The following KCNJ6 variants were observed in gnomAD, a reference collection of about 807,000 sequenced individuals.
KCNJ6 encodes G protein-activated inward rectifier potassium channel 2.
Under a neutral mutation model 34.2 loss-of-function variants are expected in KCNJ6, and 9 were observed. The observed-to-expected ratio is 0.26, with a 90% CI of 0.16 to 0.46. The LOEUF is 0.46. Ranked by LOEUF, KCNJ6 falls within the 20% of genes least tolerant of loss-of-function variation. The pLI, the probability that KCNJ6 is intolerant of heterozygous loss-of-function variation, is 1.00. For missense variants in KCNJ6, 236 were observed against 531.3 expected (o/e 0.44, Z 5.46); for synonymous variants, 196 against 207.1 (o/e 0.95, Z 0.46).
At chr21:37,744,104 T>C (rs562804052) in intron 2 of KCNJ6, among the ~76,000 whole-genome samples, 91 of 136,110 alleles carry the variant, frequency 6.7e-4, no homozygotes, top group African/African-American at 2.5e-3. Flanking sequence ...TAGGTGGGAA[T>C]TGAACAATGA....
intron 2 of KCNJ6, among the ~76,000 whole-genome samples, chr21:37,817,536 A>C (rs921292275): frequency 6.6e-6 from 1 of 152,198 alleles, no homozygotes; most frequent in Non-Finnish European, 1.5e-5. Context: ...GACTGTGAGG[A>C]GGTTAGATCC....
chr21:37,692,549 C>T (rs1335758883), intron 3 of KCNJ6, among the ~76,000 whole-genome samples: 3 of 152,100 alleles, frequency 2.0e-5, no homozygotes, highest in Non-Finnish European at 2.9e-5. Flanking sequence ...CAATAGGAAC[C>T]GTGTCTTGAT....
intron 1 of KCNJ6, among the ~76,000 whole-genome samples, chr21:37,851,076 C>T (rs1005980629): frequency 6.6e-6 from 1 of 152,120 alleles, no homozygotes; most frequent in Admixed American, 6.5e-5. Flanking sequence ...CCTAAACTGC[C>T]TAATACTGTA....
intron 3 of KCNJ6, among the ~76,000 whole-genome samples, chr21:37,683,752 A>C (rs1356479343): frequency 2.6e-5 from 4 of 152,176 alleles, no homozygotes. Flanking sequence ...GTGGCCCCAC[A>C]GAGCTGGGGT....
At chr21:37,679,104 C>T (rs773590797) in intron 3 of KCNJ6, among the ~76,000 whole-genome samples, 3 of 152,106 alleles carry the variant, frequency 2.0e-5, no homozygotes, top group African/African-American at 4.8e-5. Context: ...GAGATGTCCA[C>T]GTAGCAAGGA....
chr21:37,912,269 C>T lies in KCNJ6; in HGVS notation c.-28+3615G>A, dbSNP rs183397060. 8.0e-4 allele frequency among the ~76,000 whole-genome samples: 122 copies of T among 152,270 alleles called. 1 individual carries two copies. Among genetic ancestry groups the T allele is most frequent in the African/African-American group, 2.9e-3 (119 of 41,552 alleles). On this transcript the variant is annotated intron_variant, in intron 1 of 3. Transcript: ENST00000609713. ...CAATTATTTTGGAGTATGCTATTGA[C>T]TGAAAAGGGCATAGTGACACTTTGT... is the stretch of plus-strand genomic sequence containing the variant.
At chr21:37,881,992 C>T (rs1280815764) in intron 1 of KCNJ6, among the ~76,000 whole-genome samples, 2 of 152,096 alleles carry the variant, frequency 1.3e-5, no homozygotes, top group Non-Finnish European at 2.9e-5. Flanking sequence ...CATTATAGGG[C>T]TTCTGTGTTA....
chr21:37,693,292 C>T (rs374677712), intron 3 of KCNJ6, among the ~76,000 whole-genome samples: 1 of 152,160 alleles, frequency 6.6e-6, no homozygotes, highest in African/African-American at 2.4e-5. Context: ...TAAGTTCTGC[C>T]ATCTCTTGAT....
At chr21:37,855,673 C>G (rs1427260169) in intron 1 of KCNJ6, among the ~76,000 whole-genome samples, 2 of 152,276 alleles carry the variant, frequency 1.3e-5, no homozygotes, top group African/African-American at 4.8e-5. Flanking sequence ...CTCTCTCCCC[C>G]GGGGACCAGT....
intron 1 of KCNJ6, among the ~76,000 whole-genome samples, chr21:37,880,179 A>C (rs1447911234): frequency 1.3e-5 from 2 of 152,108 alleles, no homozygotes; most frequent in African/African-American, 4.8e-5. Flanking sequence ...CGGGAGACTG[A>C]GGCAGGAGAA....
intron 3 of KCNJ6, among the ~76,000 whole-genome samples, chr21:37,670,499 T>C (rs2054536441): frequency 6.6e-6 from 1 of 152,158 alleles, no homozygotes; most frequent in Non-Finnish European, 1.5e-5. Context: ...GTGCAGTGGC[T>C]CACACCTGTA....
At chr21:37,819,158 CTGT>C (rs1172671891) in intron 2 of KCNJ6, among the ~76,000 whole-genome samples, 3 of 152,224 alleles carry the variant, frequency 2.0e-5, no homozygotes, top group African/African-American at 7.2e-5. Flanking sequence ...ACAGTTTCTT[CTGT>C]TGTTCAGAAT....
intron 2 of KCNJ6, among the ~76,000 whole-genome samples, chr21:37,746,026 C>T (rs1311452384): frequency 2.0e-5 from 3 of 152,204 alleles, no homozygotes; most frequent in African/African-American, 4.8e-5. Flanking sequence ...CAGGAGGCCA[C>T]CTATTCACGC....
chr21:37,734,710 G>A (rs1218833387), intron 2 of KCNJ6, among the ~76,000 whole-genome samples: 1 of 152,100 alleles, frequency 6.6e-6, no homozygotes, highest in Non-Finnish European at 1.5e-5. Flanking sequence ...GTGGTGGGAA[G>A]GAGGGGGTGA....
At position 37,864,869 on chromosome 21, in the gene KCNJ6, CTCTTTT is replaced by C. The variant is rs2055614149; in HGVS notation, c.-27-24166_-27-24161del. Among the ~76,000 whole-genome samples the C allele has an allele frequency of 2.9e-5, 4 of 139,500 alleles. No individual in the cohort carries two copies. The South Asian group carries it at 8.9e-4, about 31-fold the overall frequency. 91.5% of individuals were successfully genotyped at this position (139,500 alleles called of 152,430 possible). ...CCCCATTCTCCCCATCTGTCTCTCT[CTCTTTT>C]TTTTTTTTTTTTTGAGACTGGGTCT... On this transcript the variant is annotated intron_variant, in intron 1 of 3. Coordinates refer to ENST00000609713, the MANE Select transcript of KCNJ6 (RefSeq NM_002240.5).
intron 2 of KCNJ6, among the ~76,000 whole-genome samples, chr21:37,769,073 T>C (rs1396057515): frequency 2.0e-5 from 3 of 152,200 alleles, no homozygotes; most frequent in Admixed American, 6.5e-5. Context: ...GAATTTTGGA[T>C]AGAGACATTG....
chr21:37,763,125 CAA>C (rs1015572050), intron 2 of KCNJ6, among the ~76,000 whole-genome samples: 2 of 151,972 alleles, frequency 1.3e-5, no homozygotes, highest in African/African-American at 4.8e-5. Flanking sequence ...AGGAATTTTC[CAA>C]AGTTTCTGGG....
At chr21:37,727,023 C>T (rs952115074) in intron 2 of KCNJ6, among the ~76,000 whole-genome samples, 11 of 152,098 alleles carry the variant, frequency 7.2e-5, no homozygotes, top group Non-Finnish European at 1.3e-4. Context: ...TCATAAGAGA[C>T]GAGCAGAATT....
At chr21:37,831,060 C>A (rs529258411) in intron 2 of KCNJ6, among the ~76,000 whole-genome samples, 1 of 152,268 alleles carries the variant, frequency 6.6e-6, no homozygotes, top group East Asian at 1.9e-4. Flanking sequence ...CGGGAAGCCC[C>A]CCTTGCATGG....
Sources: allele counts gnomAD v4.1 joint callset (sites outside exome capture counted in the v4.1 genomes callset), GRCh38; gene constraint gnomAD v4.1.1; transcripts MANE v1.5; gene names NCBI Gene and HGNC (gene_info 2026-07-23, HGNC 2026-07-21).